FER: variants seen among roughly 807,000 people sequenced by gnomAD.
The protein encoded by FER is tyrosine-protein kinase Fer.
A neutral mutation model predicts 111.0 loss-of-function variants in FER; 63 were observed. The ratio of observed to expected loss-of-function variants is 0.57; its 90% CI spans 0.46 to 0.70. FER has a LOEUF of 0.70. Ranked by LOEUF, FER falls within the 30% of genes least tolerant of loss-of-function variation. FER has a pLI of 0.00. For synonymous variants in FER, 327 were observed against 313.9 expected, an observed-to-expected ratio of 1.04 and a Z score of -0.44; for missense variants, 914 against 954.0, an observed-to-expected ratio of 0.96 and a Z score of 0.55.
chr5:108,888,159 G>A (rs901594976), intron 9 of FER, among the ~76,000 whole-genome samples: 10 of 151,746 alleles, frequency 6.6e-5, no homozygotes, highest in African/African-American at 2.4e-4. Flanking sequence ...ATCTAGAATA[G>A]TGTTCTAGTT....
chr5:109,115,861 CT>C (rs1561913555), intron 17 of FER, among the ~76,000 whole-genome samples: 1 of 151,974 alleles, frequency 6.6e-6, no homozygotes, highest in East Asian at 1.9e-4. Flanking sequence ...CTTCTTACCC[CT>C]CTCCTCCTTT....
intron 13 of FER, among the ~76,000 whole-genome samples, chr5:108,986,213 T>C (rs575819955): frequency 6.6e-6 from 1 of 152,314 alleles, no homozygotes; most frequent in South Asian, 2.1e-4. Context: ...TCATCAAATA[T>C]TTGTTGGCTA....
intron 16 of FER, chr5:109,052,199 C>CAG: frequency 6.2e-7 from 1 of 1,607,286 alleles, no homozygotes; most frequent in Non-Finnish European, 8.5e-7. Flanking sequence ...AGTATGGGTA[C>CAG]AGACACAAAT....
At chr5:108,932,420 A>G (rs1039387721) in intron 10 of FER, among the ~76,000 whole-genome samples, 15 of 152,172 alleles carry the variant, frequency 9.9e-5, no homozygotes, top group Non-Finnish European at 1.9e-4. Context: ...CCAGCCTATC[A>G]CTGATGGACA....
intron 16 of FER, among the ~76,000 whole-genome samples, chr5:109,047,901 A>G (rs1204116150): frequency 2.0e-5 from 3 of 152,180 alleles, no homozygotes; most frequent in Admixed American, 6.5e-5. Flanking sequence ...ACAACTTTTG[A>G]CAACAAAGAA....
chr5:108,955,637 T>A (rs758485202), intron 12 of FER, among the ~76,000 whole-genome samples: 2 of 151,810 alleles, frequency 1.3e-5, no homozygotes, highest in African/African-American at 2.4e-5. Flanking sequence ...TTTTGGCATA[T>A]GAAAGAATTG....
intron 10 of FER, among the ~76,000 whole-genome samples, chr5:108,917,205 A>G (rs1418634864): frequency 1.3e-5 from 2 of 152,108 alleles, no homozygotes; most frequent in Non-Finnish European, 2.9e-5. Context: ...ATTAATACCT[A>G]TGTGCTTTCT....
At chr5:109,082,971 C>A (rs72796556) in intron 16 of FER, among the ~76,000 whole-genome samples, 31,225 of 150,686 alleles carry the variant, frequency 0.21, 3,277 homozygotes, top group Middle Eastern at 0.27. Context: ...CTGAACCCCC[C>A]AAAAAAAGAA....
chr5:108,801,721 C>G (rs1756670370), intron 3 of FER, among the ~76,000 whole-genome samples: 1 of 152,150 alleles, frequency 6.6e-6, no homozygotes, highest in Non-Finnish European at 1.5e-5. Flanking sequence ...TCTTAGCAAA[C>G]TCAGCATATG....
intron 10 of FER, among the ~76,000 whole-genome samples, chr5:108,933,690 T>C (rs1479936777): frequency 6.6e-6 from 1 of 152,214 alleles, no homozygotes; most frequent in African/African-American, 2.4e-5. Flanking sequence ...TAAACTACTT[T>C]GGGCAGTATG....
chr5:109,101,002 A>T (rs1748162258), intron 17 of FER, among the ~76,000 whole-genome samples: 1 of 151,812 alleles, frequency 6.6e-6, no homozygotes, highest in Non-Finnish European at 1.5e-5. Flanking sequence ...TTTTTCTTTC[A>T]TTTTAGTACC....
At chr5:108,762,426 A>G (rs1234588223) in intron 1 of FER, among the ~76,000 whole-genome samples, 2 of 152,160 alleles carry the variant, frequency 1.3e-5, no homozygotes, top group East Asian at 1.9e-4. Flanking sequence ...TGGTTCGGCA[A>G]CATCCTTTTT....
chr5:109,095,433 A>G (rs953478846), intron 16 of FER, among the ~76,000 whole-genome samples: 5 of 152,148 alleles, frequency 3.3e-5, no homozygotes, highest in African/African-American at 1.2e-4. Context: ...GCTACAAGCC[A>G]TCATCACCCC....
intron 13 of FER, among the ~76,000 whole-genome samples, chr5:109,032,768 G>GATTACCAAAGTGCATAATTTAT (rs1769829114): frequency 6.6e-6 from 1 of 152,134 alleles, no homozygotes; most frequent in South Asian, 2.1e-4. Flanking sequence ...ATCTTACAGT[G>GATTACCAAAGTGCATAATTTAT]ATTACCAAAG....
chr5:109,065,469 A>C (rs551728546), intron 16 of FER, among the ~76,000 whole-genome samples: 1 of 152,270 alleles, frequency 6.6e-6, no homozygotes, highest in South Asian at 2.1e-4. Context: ...TTTTAATTGT[A>C]AGTTAGCCTC....
chr5:108,810,256 G>A (rs780610078), intron 3 of FER, among the ~76,000 whole-genome samples: 8 of 152,102 alleles, frequency 5.3e-5, no homozygotes, highest in Non-Finnish European at 7.4e-5. Context: ...AGTACATAGC[G>A]CTTATAGGTA....
intron 18 of FER, among the ~76,000 whole-genome samples, chr5:109,181,224 G>A (rs141325922): frequency 1.3e-5 from 2 of 151,948 alleles, no homozygotes; most frequent in African/African-American, 2.4e-5. Context: ...CATTTCTTTC[G>A]AATGTCTTAT....
At chr5:109,007,145 T>C (rs1361326869) in intron 13 of FER, among the ~76,000 whole-genome samples, 1 of 152,184 alleles carries the variant, frequency 6.6e-6, no homozygotes, top group South Asian at 2.1e-4. Context: ...TCTATTGATA[T>C]TGGCCAAATG....
intron 17 of FER, among the ~76,000 whole-genome samples, chr5:109,120,297 G>A (rs1039843388): frequency 1.3e-5 from 2 of 152,082 alleles, no homozygotes; most frequent in East Asian, 3.9e-4. Context: ...AAGAGATATG[G>A]GTTTAGTTTC....
Sources: gnomAD v4.1 joint callset for allele counts (sites outside exome capture counted in the v4.1 genomes callset) on GRCh38, gnomAD v4.1.1 for gene constraint, MANE v1.5 for transcripts, NCBI Gene and HGNC (gene_info 2026-07-23, HGNC 2026-07-21) for gene names.